Variants in ZC3H6 observed in about 807,000 individuals in gnomAD.
ZC3H6 encodes zinc finger CCCH domain-containing protein 6.
A neutral mutation model predicts 107.7 loss-of-function variants in ZC3H6; 40 were observed. The ratio of observed to expected loss-of-function variants is 0.37; its 90% CI spans 0.29 to 0.48. The LOEUF (loss-of-function observed/expected upper bound fraction) is 0.48, where lower values mean the gene tolerates loss of function less well. Ranked by LOEUF, ZC3H6 falls within the 20% of genes least tolerant of loss-of-function variation. ZC3H6 has a pLI of 0.98. For synonymous variants in ZC3H6, 493 were observed against 487.9 expected (o/e 1.01, Z -0.14); for missense variants, 1,267 against 1,410.4 (o/e 0.90, Z 1.63).
intron 7 of ZC3H6, among the ~76,000 whole-genome samples, chr2:112,321,214 A>G (rs1676794550): frequency 6.6e-6 from 1 of 151,888 alleles, no homozygotes. Context: ...GATTATTGGG[A>G]TATTTGCCTT....
At chr2:112,301,826 A>G (rs1676384861) in intron 2 of ZC3H6, among the ~76,000 whole-genome samples, 1 of 152,106 alleles carries the variant, frequency 6.6e-6, no homozygotes, top group Non-Finnish European at 1.5e-5. Context: ...AAAAAGATCA[A>G]CAACATATAT....
chr2:112,300,074 A>C (rs1311113811), intron 2 of ZC3H6, 45 bp downstream of exon 2: 1 of 1,210,492 alleles, frequency 8.3e-7, no homozygotes. Context: ...ATGTTTATGA[A>C]ATATAAAATA....
intron 1 of ZC3H6, among the ~76,000 whole-genome samples, chr2:112,292,039 T>C (rs931294010): frequency 6.6e-6 from 1 of 152,208 alleles, no homozygotes; most frequent in African/African-American, 2.4e-5. Flanking sequence ...TAAGTTCTAA[T>C]TGGTTCATTT....
At position 112,311,928 on chromosome 2, in the gene ZC3H6, C is replaced by T; in HGVS notation, c.738C>T (p.Asp246=). 1.2e-6 allele frequency: 2 copies of T among 1,610,942 alleles called. No homozygotes were observed. Among genetic ancestry groups the T allele is most frequent in the Non-Finnish European group, 8.5e-7 (1 of 1,178,460 alleles). The part of the protein sequence containing the change: ...KGPNVFSVSD[D]FQEYNKPGKK... ...CTAATGTGTTTTCAGTATCGGATGA[C>T]TTTCAAGAGGTACTAAGAATTTATG... Residue 246 remains aspartate, a synonymous_variant, in exon 5 of 12, where the codon GAC becomes GAT. Coordinates refer to ENST00000409871, the MANE Select transcript of ZC3H6 (RefSeq NM_198581.3).
intron 1 of ZC3H6, among the ~76,000 whole-genome samples, chr2:112,281,620 G>A (rs1022924756): frequency 4.6e-5 from 7 of 152,338 alleles, no homozygotes; most frequent in Admixed American, 3.3e-4. Flanking sequence ...TATTGTAAAC[G>A]TCTAGAAATC....
intron 11 of ZC3H6, among the ~76,000 whole-genome samples, chr2:112,325,400 A>C (rs1676889282): frequency 6.6e-6 from 1 of 152,160 alleles, no homozygotes; most frequent in Non-Finnish European, 1.5e-5. Flanking sequence ...AGCTTGAGGC[A>C]GGAGAATCGC....
At position 112,338,879 on chromosome 2, in the gene ZC3H6, AT is replaced by A. The variant is rs1558961203; in HGVS notation, c.*6392del. 35 of 15,060 alleles carry A rather than the reference AT, an allele frequency of 2.3e-3. 4 individuals carry two copies. The South Asian group carries it at 0.07, about 30-fold the overall frequency. 0.9% of individuals were successfully genotyped at this position (15,060 alleles called of 1,614,324 possible). A position where few individuals can be genotyped will look rare whatever the true frequency, so the allele number is the denominator to read the frequency against. On this transcript the variant is annotated 3_prime_UTR_variant, in exon 12 of 12. Transcript: ENST00000409871. ...TGTATATATATATATATATATATATATATATATATATATATATATATATATA... is the reference window on the plus strand; with the variant it reads ...TGTATATATATATATATATATATATAATATATATATATATATATATATATA...
intron 5 of ZC3H6, among the ~76,000 whole-genome samples, chr2:112,312,679 G>A (rs1477461606): frequency 1.1e-4 from 16 of 152,086 alleles, no homozygotes; most frequent in African/African-American, 3.1e-4. Flanking sequence ...TGGCCAACAT[G>A]GAGAAACCCC....
chr2:112,299,842 T>G lies in ZC3H6; in HGVS notation c.33-7T>G, dbSNP rs1676334368. On this transcript the variant is annotated splice_region_variant and splice_polypyrimidine_tract_variant and intron_variant, in intron 1 of 11. Transcript: ENST00000409871. Reference sequence around the variant, plus strand: ...GATATTTGAAAATTAAAATTTTCCTTCTATAGAGAAGATGGCGAATTAGAA... The same window carrying G: ...GATATTTGAAAATTAAAATTTTCCTGCTATAGAGAAGATGGCGAATTAGAA... 1 of 1,393,342 alleles carries G rather than the reference T, an allele frequency of 7.2e-7. No homozygotes were observed. The highest frequency in any genetic ancestry group is 9.3e-7 in the Non-Finnish European group (1 of 1,069,690). 86.3% of individuals were successfully genotyped at this position (1,393,342 alleles called of 1,614,324 possible).
chr2:112,277,749 G>A (rs1015121939), intron 1 of ZC3H6, among the ~76,000 whole-genome samples: 2 of 151,432 alleles, frequency 1.3e-5, no homozygotes, highest in Admixed American at 6.6e-5. Flanking sequence ...CAATTGTTAA[G>A]TGGCATCATT....
At chr2:112,302,609 G>A (rs2104707057) in intron 2 of ZC3H6, among the ~76,000 whole-genome samples, 1 of 152,208 alleles carries the variant, frequency 6.6e-6, no homozygotes, top group African/African-American at 2.4e-5. Flanking sequence ...ACCAGATGGA[G>A]GAGATTTGGT....
intron 1 of ZC3H6, among the ~76,000 whole-genome samples, chr2:112,290,453 C>T (rs1220030513): frequency 6.6e-6 from 1 of 152,258 alleles, no homozygotes; most frequent in Non-Finnish European, 1.5e-5. Context: ...GTTGTGTGTG[C>T]TCATAGCACC....
intron 3 of ZC3H6, among the ~76,000 whole-genome samples, chr2:112,308,361 G>A (rs1360630766): frequency 1.3e-5 from 2 of 151,120 alleles, no homozygotes; most frequent in African/African-American, 2.4e-5. Flanking sequence ...CATTAAATAC[G>A]TAGTCTCATG....
chr2:112,300,912 A>AAATCACATC (rs1676361254), intron 2 of ZC3H6, among the ~76,000 whole-genome samples: 1 of 152,224 alleles, frequency 6.6e-6, no homozygotes, highest in African/African-American at 2.4e-5. Flanking sequence ...TCCTCCATTA[A>AAATCACATC]AATCACATCA....
At chr2:112,290,126 C>G (rs1268435371) in intron 1 of ZC3H6, among the ~76,000 whole-genome samples, 2 of 152,190 alleles carry the variant, frequency 1.3e-5, no homozygotes, top group African/African-American at 4.8e-5. Flanking sequence ...AAAAACAAAC[C>G]TATAGTGTCT....
intron 1 of ZC3H6, among the ~76,000 whole-genome samples, chr2:112,291,580 A>G (rs1676119860): frequency 6.6e-6 from 1 of 152,244 alleles, no homozygotes; most frequent in South Asian, 2.1e-4. Flanking sequence ...TACAAACACA[A>G]CCAGAGCTTA....
At chr2:112,299,507 GA>G (rs1676319505) in intron 1 of ZC3H6, among the ~76,000 whole-genome samples, 1 of 152,132 alleles carries the variant, frequency 6.6e-6, no homozygotes, top group African/African-American at 2.4e-5. Context: ...AAATTTAGTA[GA>G]TGGTAACTAT....
At chr2:112,317,148 C>T in intron 6 of ZC3H6, 73 bp from the exon 7 acceptor site, 2 of 789,972 alleles carry the variant, frequency 2.5e-6, no homozygotes, top group Non-Finnish European at 3.8e-6. Flanking sequence ...GTAGAAAATT[C>T]AGCTGTTGTT....
chr2:112,328,679 G>A (rs751104452), intron 11 of ZC3H6, among the ~76,000 whole-genome samples: 3 of 152,074 alleles, frequency 2.0e-5, no homozygotes, highest in East Asian at 1.9e-4. Context: ...AGTGGCTCAC[G>A]CCTGTAATCC....
Sources: allele counts gnomAD v4.1 joint callset (sites outside exome capture counted in the v4.1 genomes callset), GRCh38; gene constraint gnomAD v4.1.1; transcripts MANE v1.5; gene names NCBI Gene and HGNC (gene_info 2026-07-23, HGNC 2026-07-21).